MCC: variants seen among roughly 807,000 people sequenced by gnomAD.
MCC encodes the protein MCC regulator of Wnt signaling pathway.
MCC carries 90 observed loss-of-function variants against 116.2 expected under a neutral mutation model. The ratio of observed to expected loss-of-function variants is 0.77; its 90% confidence interval spans 0.65 to 0.92. The LOEUF (loss-of-function observed/expected upper bound fraction) is 0.92. Ranked by LOEUF, MCC falls within the 40% of genes least tolerant of loss-of-function variation. MCC has a pLI of 0.00. For synonymous variants in MCC, 578 were observed against 510.5 expected (o/e 1.13, Z -1.78); for missense variants, 1,516 against 1,312.2 (o/e 1.16, Z -2.40).
intron 13 of MCC, among the ~76,000 whole-genome samples, chr5:113,066,328 T>A (rs935176388): frequency 4.6e-5 from 7 of 152,188 alleles, no homozygotes; most frequent in African/African-American, 1.7e-4. Context: ...AATACGTATA[T>A]TAATTTAAAA....
intron 1 of MCC, among the ~76,000 whole-genome samples, chr5:113,471,026 T>G (rs1233058168): frequency 6.6e-6 from 1 of 152,254 alleles, no homozygotes; most frequent in African/African-American, 2.4e-5. Context: ...GGTTTTCAGC[T>G]CCATCAGGTC....
At chr5:113,263,424 A>G (rs1275239972) in intron 3 of MCC, among the ~76,000 whole-genome samples, 3 of 152,214 alleles carry the variant, frequency 2.0e-5, no homozygotes, top group Non-Finnish European at 4.4e-5. Flanking sequence ...TGATTTATCA[A>G]TAGTGGCCCT....
At chr5:113,244,065 TG>T (rs1156723543) in intron 3 of MCC, among the ~76,000 whole-genome samples, 2 of 152,220 alleles carry the variant, frequency 1.3e-5, no homozygotes, top group Non-Finnish European at 2.9e-5. Context: ...CACACAAATC[TG>T]GTTAAGATGT....
intron 3 of MCC, among the ~76,000 whole-genome samples, chr5:113,252,408 T>C (rs929133775): frequency 2.0e-5 from 3 of 152,162 alleles, no homozygotes; most frequent in African/African-American, 4.8e-5. Context: ...CATTAGAGCA[T>C]GAACTCTATT....
chr5:113,245,290 CAAAA>C (rs560902639), intron 3 of MCC, among the ~76,000 whole-genome samples: 2 of 90,884 alleles, frequency 2.2e-5, no homozygotes, highest in Admixed American at 1.1e-4. Flanking sequence ...AACTCCATCT[CAAAA>C]AAAAAAAAAA....
intron 3 of MCC, among the ~76,000 whole-genome samples, chr5:113,159,970 C>A (rs575635374): frequency 4.6e-4 from 70 of 152,334 alleles, no homozygotes; most frequent in African/African-American, 1.7e-3. Context: ...TTCATCTTTC[C>A]TTTTACCTGA....
At chr5:113,223,573 A>T (rs75904894) in intron 3 of MCC, among the ~76,000 whole-genome samples, 7,275 of 152,220 alleles carry the variant, frequency 0.048, 301 homozygotes, top group African/African-American at 0.11. Context: ...AAGGCAGTGG[A>T]AGTAGGGACT....
chr5:113,068,264 G>C (rs563247524), intron 12 of MCC, 81 bp from the exon 13 acceptor site: 1 of 1,048,046 alleles, frequency 9.5e-7, no homozygotes, highest in Non-Finnish European at 1.4e-6. Context: ...TGTGCAGGAG[G>C]CAGCTCAGGT....
At chr5:113,446,133 C>T (rs1250997203) in intron 1 of MCC, among the ~76,000 whole-genome samples, 2 of 152,032 alleles carry the variant, frequency 1.3e-5, no homozygotes, top group South Asian at 4.1e-4. Context: ...AAACCTCAAA[C>T]TATAAGAATA....
intron 17 of MCC, among the ~76,000 whole-genome samples, chr5:113,032,201 G>A (rs1039425264): frequency 2.6e-4 from 39 of 152,114 alleles, no homozygotes; most frequent in African/African-American, 6.0e-4. Flanking sequence ...ACCTGATGTC[G>A]GGAGTTCAAG....
intron 3 of MCC, chr5:113,294,910 A>G: frequency 1.0e-6 from 1 of 985,550 alleles, no homozygotes; most frequent in South Asian, 4.7e-5. Flanking sequence ...TTCACGCCGA[A>G]GTTTCCCCTT....
At chr5:113,092,871 C>T (rs1232670894) in intron 8 of MCC, among the ~76,000 whole-genome samples, 2 of 152,184 alleles carry the variant, frequency 1.3e-5, no homozygotes, top group Non-Finnish European at 2.9e-5. Context: ...CTGAGTAATT[C>T]CCACCAGGCC....
At chr5:113,449,497 G>C (rs927035983) in intron 1 of MCC, among the ~76,000 whole-genome samples, 11 of 152,246 alleles carry the variant, frequency 7.2e-5, no homozygotes, top group South Asian at 4.1e-4. Context: ...CTCTCAGCCA[G>C]ACACTAGCTG....
chr5:113,362,365 T>C (rs1768571767), intron 2 of MCC, among the ~76,000 whole-genome samples: 1 of 152,220 alleles, frequency 6.6e-6, no homozygotes, highest in Non-Finnish European at 1.5e-5. Flanking sequence ...CGAGACTTGT[T>C]TTATGGCCTA....
chr5:113,340,762 G>T (rs377222007), intron 2 of MCC, 32 bp from the exon 3 acceptor site: 1 of 1,589,384 alleles, frequency 6.3e-7, no homozygotes. Flanking sequence ...AAAATGAAAA[G>T]ACATTTCCTT....
chr5:113,401,595 C>T (rs2150398938), intron 1 of MCC, among the ~76,000 whole-genome samples: 1 of 152,188 alleles, frequency 6.6e-6, no homozygotes, highest in East Asian at 1.9e-4. Flanking sequence ...TATGTCTGAC[C>T]TCCGAACCTC....
chr5:113,425,085 A>AT (rs534077919), intron 1 of MCC, among the ~76,000 whole-genome samples: 7 of 152,008 alleles, frequency 4.6e-5, no homozygotes, highest in Admixed American at 1.3e-4. Context: ...CACAGAAACA[A>AT]TTTTTTTTAA....
chr5:113,188,712 T>C (rs1561440916), intron 3 of MCC, among the ~76,000 whole-genome samples: 1 of 152,088 alleles, frequency 6.6e-6, no homozygotes, highest in African/African-American at 2.4e-5. Context: ...GCCTTTAAAG[T>C]AGATGCTGTT....
chr5:113,300,710 C>T (rs964298175), intron 3 of MCC, among the ~76,000 whole-genome samples: 2 of 152,096 alleles, frequency 1.3e-5, no homozygotes, highest in Non-Finnish European at 2.9e-5. Flanking sequence ...ACTCTCCCAC[C>T]GCTGTGACTC....
Sources: gnomAD v4.1 joint callset for allele counts (sites outside exome capture counted in the v4.1 genomes callset) on GRCh38, gnomAD v4.1.1 for gene constraint, MANE v1.5 for transcripts, NCBI Gene and HGNC (gene_info 2026-07-23, HGNC 2026-07-21) for gene names.